PCDH9: variants seen among roughly 807,000 people sequenced by gnomAD.
PCDH9 encodes protocadherin 9.
PCDH9 carries 24 observed loss-of-function variants against 70.6 expected under a neutral mutation model. The observed-to-expected ratio is 0.34, with a 90% CI of 0.25 to 0.48. The LOEUF (loss-of-function observed/expected upper bound fraction) is 0.48, where lower values mean the gene tolerates loss of function less well. Ranked by LOEUF, PCDH9 falls within the 20% of genes least tolerant of loss-of-function variation. The pLI, the probability that PCDH9 is intolerant of heterozygous loss-of-function variation, is 0.99. For synonymous variants in PCDH9, 562 were observed against 558.5 expected, an observed-to-expected ratio of 1.01 and a Z score of -0.09; for missense variants, 1,281 against 1,503.6, an observed-to-expected ratio of 0.85 and a Z score of 2.45.
chr13:66,948,653 C>T (rs566445378), intron 2 of PCDH9, among the ~76,000 whole-genome samples: 44 of 151,878 alleles, frequency 2.9e-4, no homozygotes, highest in Non-Finnish European at 4.0e-4. Flanking sequence ...AGGTAAATGC[C>T]TAGAGAATTT....
intron 2 of PCDH9, among the ~76,000 whole-genome samples, chr13:67,107,380 C>G (rs1073394): frequency 6.6e-6 from 1 of 152,172 alleles, no homozygotes; most frequent in African/African-American, 2.4e-5. Flanking sequence ...CCAATCAACA[C>G]GCATATTCTA....
intron 2 of PCDH9, among the ~76,000 whole-genome samples, chr13:67,124,400 A>C (rs796096968): frequency 5.7e-4 from 87 of 152,334 alleles, no homozygotes; most frequent in African/African-American, 2.0e-3. Flanking sequence ...ATGCAGGAAT[A>C]TGATATGTGT....
intron 2 of PCDH9, among the ~76,000 whole-genome samples, chr13:67,116,728 A>G (rs1327638991): frequency 4.6e-5 from 7 of 152,210 alleles, no homozygotes; most frequent in Non-Finnish European, 1.0e-4. Flanking sequence ...TATACACAAG[A>G]TACTATAAAA....
intron 3 of PCDH9, among the ~76,000 whole-genome samples, chr13:66,729,402 G>C (rs931732584): frequency 6.6e-6 from 1 of 152,056 alleles, no homozygotes; most frequent in Non-Finnish European, 1.5e-5. Context: ...ATACTACTAT[G>C]CATGTAGTTT....
chr13:66,685,585 T>A (rs942068894), intron 3 of PCDH9, among the ~76,000 whole-genome samples: 1 of 152,122 alleles, frequency 6.6e-6, no homozygotes, highest in African/African-American at 2.4e-5. Context: ...AGGGCCACTG[T>A]CCTCCAGACC....
chr13:67,189,161 C>T (rs755927064), intron 2 of PCDH9, among the ~76,000 whole-genome samples: 2 of 151,566 alleles, frequency 1.3e-5, no homozygotes, highest in Admixed American at 6.6e-5. Flanking sequence ...CACACACACA[C>T]GTATATATAT....
chr13:66,823,452 A>T (rs531369888), intron 3 of PCDH9, among the ~76,000 whole-genome samples: 4 of 151,972 alleles, frequency 2.6e-5, no homozygotes, highest in African/African-American at 9.6e-5. Flanking sequence ...ATATAAAGAT[A>T]ATTACTTCAA....
At chr13:67,106,662 C>T (rs758377061) in intron 2 of PCDH9, among the ~76,000 whole-genome samples, 39 of 152,320 alleles carry the variant, frequency 2.6e-4, no homozygotes, top group African/African-American at 6.0e-4. Context: ...GCAGGAGACC[C>T]GCCCTCCTGG....
chr13:66,812,830 C>T (rs2080533453), intron 3 of PCDH9, among the ~76,000 whole-genome samples: 2 of 152,070 alleles, frequency 1.3e-5, no homozygotes, highest in Admixed American at 6.6e-5. Context: ...TTTATTTTGT[C>T]CTATAAAGGC....
chr13:66,400,003 C>T (rs1004888854), intron 4 of PCDH9, among the ~76,000 whole-genome samples: 2 of 152,090 alleles, frequency 1.3e-5, no homozygotes, highest in African/African-American at 4.8e-5. Flanking sequence ...CTTCATGAAG[C>T]AAAGCTATTC....
intron 2 of PCDH9, among the ~76,000 whole-genome samples, chr13:67,136,237 A>T (rs2087229484): frequency 6.6e-6 from 1 of 152,128 alleles, no homozygotes; most frequent in Non-Finnish European, 1.5e-5. Context: ...GCAGCCTAGG[A>T]GCAACAGGCT....
chr13:66,859,776 C>T (rs573918000), intron 3 of PCDH9, among the ~76,000 whole-genome samples: 4 of 152,156 alleles, frequency 2.6e-5, no homozygotes, highest in African/African-American at 4.8e-5. Context: ...AAGGTACATG[C>T]GGAGAATTCA....
Position 66,991,956 on chromosome 13 carries a change from GT to G in PCDH9, c.3037-88352del, listed in dbSNP as rs796717090. ...TAGATTATTGTGTTTAAGTATATGG[GT>G]TTTTTTTAAATTTAAGATCATATTC... On this transcript the variant is annotated intron_variant, in intron 2 of 4. Transcript: ENST00000377865. 3.3e-5 allele frequency among the ~76,000 whole-genome samples: 5 copies of G among 152,064 alleles called. No homozygotes were observed. In the South Asian group the frequency reaches 8.3e-4, roughly 25 times the overall value.
chr13:67,034,917 T>A (rs2084979945), intron 2 of PCDH9, among the ~76,000 whole-genome samples: 1 of 151,954 alleles, frequency 6.6e-6, no homozygotes, highest in Non-Finnish European at 1.5e-5. Context: ...GAATGATACA[T>A]CATGCCTATG....
intron 3 of PCDH9, among the ~76,000 whole-genome samples, chr13:66,753,478 T>C (rs1351655365): frequency 1.3e-5 from 2 of 152,204 alleles, no homozygotes; most frequent in African/African-American, 2.4e-5. Context: ...AATTTTTATA[T>C]GTTAATGAAA....
At chr13:66,616,114 C>T (rs2077352482) in intron 4 of PCDH9, among the ~76,000 whole-genome samples, 1 of 152,280 alleles carries the variant, frequency 6.6e-6, no homozygotes, top group South Asian at 2.1e-4. Context: ...GGGTTCCTGA[C>T]CTGTGGTCAG....
At chr13:66,618,134 G>C (rs1188258495) in intron 4 of PCDH9, among the ~76,000 whole-genome samples, 4 of 152,132 alleles carry the variant, frequency 2.6e-5, no homozygotes, top group African/African-American at 7.2e-5. Flanking sequence ...GAGAGTCCCT[G>C]TTTCCCCCCT....
chr13:66,598,176 G>A (rs1421405772), intron 4 of PCDH9, among the ~76,000 whole-genome samples: 3 of 151,790 alleles, frequency 2.0e-5, no homozygotes, highest in Non-Finnish European at 4.4e-5. Context: ...ATGGTATGGA[G>A]TTCCTCTGCA....
chr13:66,785,725 T>C (rs940634086), intron 3 of PCDH9, among the ~76,000 whole-genome samples: 3 of 152,072 alleles, frequency 2.0e-5, no homozygotes, highest in African/African-American at 7.2e-5. Context: ...GGGTGAGTAT[T>C]AATTCACTCT....
Sources: allele counts gnomAD v4.1 joint callset (sites outside exome capture counted in the v4.1 genomes callset), GRCh38; gene constraint gnomAD v4.1.1; transcripts MANE v1.5; gene names NCBI Gene and HGNC (gene_info 2026-07-23, HGNC 2026-07-21).